ESRRB: variants seen among roughly 807,000 people sequenced by gnomAD.
ESRRB encodes the protein steroid hormone receptor ERR2.
Under a neutral mutation model 46.0 loss-of-function variants are expected in ESRRB, and 16 were observed. That is an observed-to-expected ratio of 0.35 (90% CI 0.24 to 0.53). The LOEUF (loss-of-function observed/expected upper bound fraction) is 0.53, where lower values mean the gene tolerates loss of function less well. ESRRB is among the 20% of genes least tolerant of loss of function. The pLI is 0.93. For synonymous variants in ESRRB, 246 were observed against 259.6 expected (o/e 0.95, Z 0.50); for missense variants, 488 against 607.4 (o/e 0.80, Z 2.07).
At chr14:76,377,130 G>T (rs1409719858) in intron 1 of ESRRB, among the ~76,000 whole-genome samples, 1 of 152,194 alleles carries the variant, frequency 6.6e-6, no homozygotes, top group Non-Finnish European at 1.5e-5. Flanking sequence ...CCATTTCCCT[G>T]CTCCGAGGCG....
At chr14:76,494,066 G>A (rs1342077792) in intron 6 of ESRRB, among the ~76,000 whole-genome samples, 3 of 152,136 alleles carry the variant, frequency 2.0e-5, no homozygotes, top group African/African-American at 7.2e-5. Context: ...CCCCGTAAAT[G>A]TCTGTACCTA....
intron 1 of ESRRB, among the ~76,000 whole-genome samples, chr14:76,352,267 T>C (rs540367689): frequency 1.3e-5 from 2 of 152,198 alleles, no homozygotes; most frequent in Non-Finnish European, 2.9e-5. Flanking sequence ...TAAGAACCTA[T>C]GTAAATGCCT....
chr14:76,331,378 G>T (rs1884011537), intron 1 of ESRRB, among the ~76,000 whole-genome samples: 1 of 152,176 alleles, frequency 6.6e-6, no homozygotes, highest in Non-Finnish European at 1.5e-5. Context: ...GTAAAATGGG[G>T]ATGATAAAAG....
At chr14:76,389,897 G>A (rs1885396954) in intron 1 of ESRRB, among the ~76,000 whole-genome samples, 1 of 152,174 alleles carries the variant, frequency 6.6e-6, no homozygotes, top group Non-Finnish European at 1.5e-5. Context: ...TACACCTAAT[G>A]TATGGTGGAA....
chr14:76,422,206 C>CTTTTTTTTTT (rs552738537), intron 1 of ESRRB, among the ~76,000 whole-genome samples: 6 of 94,772 alleles, frequency 6.3e-5, no homozygotes, highest in Admixed American at 1.3e-4. Flanking sequence ...ACATTTCCTT[C>CTTTTTTTTTT]TTTTTTTTTT....
intron 3 of ESRRB, among the ~76,000 whole-genome samples, chr14:76,479,093 A>T (rs1385233270): frequency 6.6e-6 from 1 of 152,134 alleles, no homozygotes; most frequent in Non-Finnish European, 1.5e-5. Flanking sequence ...CTCTGTGGCC[A>T]GGCCTGAGAT....
chr14:76,463,445 G>GTTTTTTTT (rs1313130923), intron 3 of ESRRB: 2 of 114,708 alleles, frequency 1.7e-5, no homozygotes, highest in African/African-American at 3.7e-5. Context: ...ATGCTTCTTT[G>GTTTTTTTT]TTTTTTTTTT....
chr14:76,393,210 G>A (rs1030882962), intron 1 of ESRRB, among the ~76,000 whole-genome samples: 1 of 152,176 alleles, frequency 6.6e-6, no homozygotes, highest in East Asian at 1.9e-4. Context: ...TCTCGCAGGA[G>A]ACCCTGTAGG....
chr14:76,319,530 C>T (rs147011678), intron 1 of ESRRB, among the ~76,000 whole-genome samples: 232 of 152,298 alleles, frequency 1.5e-3, no homozygotes, highest in African/African-American at 5.2e-3. Flanking sequence ...CTTGAAGGAA[C>T]ATGTAATTAC....
In ESRRB at chr14:76,469,980, C is replaced by T. The variant is rs1384019166; in HGVS notation, c.577+7319C>T. On this transcript the variant is annotated intron_variant, in intron 3 of 6. Coordinates refer to ENST00000644823, the MANE Select transcript of ESRRB (RefSeq NM_001379180.1). Reference sequence around the variant, plus strand: ...TTTTTTTTTTTGAGACAGAGTCTTGCTCTGTCACCCAGGCTGGAGTGCAAT... The same window carrying T: ...TTTTTTTTTTTGAGACAGAGTCTTGTTCTGTCACCCAGGCTGGAGTGCAAT... 3.7e-5 allele frequency among the ~76,000 whole-genome samples: 4 copies of T among 106,760 alleles called. No homozygotes were observed. The Admixed American group carries it at 4.1e-4, about 11-fold the overall frequency. The allele number at this position is 106,760 out of a possible 152,430, so 70.0% of individuals were successfully genotyped here. A position where few individuals can be genotyped will look rare whatever the true frequency, so the allele number is the denominator to read the frequency against.
chr14:76,477,665 G>A (rs1016917919), intron 3 of ESRRB, among the ~76,000 whole-genome samples: 1 of 152,208 alleles, frequency 6.6e-6, no homozygotes, highest in Non-Finnish European at 1.5e-5. Flanking sequence ...GCTCAGAAGA[G>A]CAGACAGGAA....
intron 6 of ESRRB, 109 bp from the exon 7 acceptor site, chr14:76,498,105 T>C: frequency 7.7e-7 from 1 of 1,305,816 alleles, no homozygotes; most frequent in Non-Finnish European, 1.1e-6. Context: ...GAGAGGGTTC[T>C]GAAGATACCC....
At chr14:76,381,802 T>A (rs2139801576) in intron 1 of ESRRB, among the ~76,000 whole-genome samples, 1 of 152,216 alleles carries the variant, frequency 6.6e-6, no homozygotes, top group Admixed American at 6.5e-5. Flanking sequence ...GGGAGCCTGG[T>A]CATAGGAGAG....
upstream of ESRRB, among the ~76,000 whole-genome samples, chr14:76,370,715 T>C (rs1164764244): frequency 1.3e-5 from 2 of 152,126 alleles, no homozygotes; most frequent in African/African-American, 2.4e-5. Flanking sequence ...GCTATTACAG[T>C]CATAATGTGC....
intron 1 of ESRRB, among the ~76,000 whole-genome samples, chr14:76,354,628 GT>G (rs1286413049): frequency 1.3e-5 from 2 of 151,314 alleles, no homozygotes; most frequent in Admixed American, 6.6e-5. Context: ...CCAGAATAAG[GT>G]GAGGGGCTGA....
At chr14:76,427,188 G>A (rs1887239535) in intron 1 of ESRRB, among the ~76,000 whole-genome samples, 1 of 152,200 alleles carries the variant, frequency 6.6e-6, no homozygotes, top group African/African-American at 2.4e-5. Flanking sequence ...TACTGCCTCT[G>A]TCCCTGGAGA....
At chr14:76,428,115 C>T (rs1887280358) in intron 1 of ESRRB, among the ~76,000 whole-genome samples, 1 of 152,188 alleles carries the variant, frequency 6.6e-6, no homozygotes, top group African/African-American at 2.4e-5. Flanking sequence ...TCTCCTTCCT[C>T]AGCCTCTGGA....
At chr14:76,311,038 C>G in intron 1 of ESRRB, 1 of 393,212 alleles carries the variant, frequency 2.5e-6, no homozygotes, top group East Asian at 7.4e-5. Flanking sequence ...AAAAATATCT[C>G]CCCATGCCTG....
intron 1 of ESRRB, among the ~76,000 whole-genome samples, chr14:76,403,939 G>A (rs1239684294): frequency 3.3e-5 from 5 of 152,042 alleles, no homozygotes; most frequent in South Asian, 2.1e-4. Flanking sequence ...GGCTGGTCCC[G>A]AACTCCTGAC....
Sources: gnomAD v4.1 joint callset for allele counts (sites outside exome capture counted in the v4.1 genomes callset) on GRCh38, gnomAD v4.1.1 for gene constraint, MANE v1.5 for transcripts, NCBI Gene and HGNC (gene_info 2026-07-23, HGNC 2026-07-21) for gene names.